Variants in SOS2 observed in about 807,000 individuals in gnomAD.
SOS2 encodes the protein son of sevenless homolog 2.
In SOS2, 65 loss-of-function variants were observed where a neutral mutation model predicts 148.2. The observed-to-expected ratio is 0.44, with a 90% CI of 0.36 to 0.54. The LOEUF is 0.54. Among genes scored for constraint, SOS2 ranks in the 20% least tolerant of loss-of-function variants. The pLI, the probability that SOS2 is intolerant of heterozygous loss-of-function variation, is 0.00. For synonymous variants in SOS2, 539 were observed against 537.1 expected (o/e 1.00, Z -0.05); for missense variants, 1,341 against 1,590.2 (o/e 0.84, Z 2.67).
intron 11 of SOS2, among the ~76,000 whole-genome samples, chr14:50,157,467 CTAA>C (rs780948364): frequency 5.3e-5 from 8 of 151,912 alleles, no homozygotes; most frequent in Non-Finnish European, 1.5e-5. Flanking sequence ...TGAAAGTAGG[CTAA>C]TAAATTTATT....
chr14:50,197,390 T>A (rs548247402), intron 4 of SOS2, among the ~76,000 whole-genome samples: 2 of 152,290 alleles, frequency 1.3e-5, no homozygotes, highest in East Asian at 3.9e-4. Context: ...TGAGACACAA[T>A]GAAATCATGT....
At chr14:50,180,811 C>A in intron 6 of SOS2, 129 bp from the exon 7 acceptor site, 3 of 522,176 alleles carry the variant, frequency 5.7e-6, no homozygotes, top group Non-Finnish European at 1.0e-5. Flanking sequence ...CCACTATATT[C>A]CAGCTCGAGC....
At chr14:50,156,949 G>A (rs1452111237) in intron 12 of SOS2, 50 bp downstream of exon 12, 4 of 937,642 alleles carry the variant, frequency 4.3e-6, no homozygotes, top group Non-Finnish European at 6.5e-6. Flanking sequence ...GTGTGTGTGT[G>A]TGTATATATA....
At chr14:50,146,532 G>C (rs1450019178) in intron 14 of SOS2, among the ~76,000 whole-genome samples, 1 of 152,126 alleles carries the variant, frequency 6.6e-6, no homozygotes, top group Non-Finnish European at 1.5e-5. Context: ...TGTAGTCCCA[G>C]CTACTTGGGA....
intron 4 of SOS2, 87 bp from the exon 5 acceptor site, chr14:50,188,787 T>A: frequency 1.1e-6 from 1 of 896,010 alleles, no homozygotes; most frequent in Non-Finnish European, 1.7e-6. Flanking sequence ...TATACGTTAT[T>A]AAACAGGGCT....
chr14:50,209,094 C>T (rs1465459870), intron 1 of SOS2, among the ~76,000 whole-genome samples: 3 of 152,142 alleles, frequency 2.0e-5, no homozygotes, highest in Non-Finnish European at 4.4e-5. Context: ...GCTGGGACAC[C>T]GGTCTTCTGC....
chr14:50,199,484 G>A (rs549523222), intron 4 of SOS2, among the ~76,000 whole-genome samples: 142 of 152,082 alleles, frequency 9.3e-4, no homozygotes, highest in Non-Finnish European at 1.5e-3. Flanking sequence ...GTAAGTAAAA[G>A]ATTCTTGACC....
At chr14:50,189,101 A>ACACACACACG (rs1211549227) in intron 4 of SOS2, among the ~76,000 whole-genome samples, 1 of 144,870 alleles carries the variant, frequency 6.9e-6, no homozygotes, top group Admixed American at 6.9e-5. Flanking sequence ...ACACACACAC[A>ACACACACACG]CGCACACACA....
intron 8 of SOS2, among the ~76,000 whole-genome samples, chr14:50,162,241 T>A (rs933747309): frequency 1.3e-5 from 2 of 152,110 alleles, no homozygotes; most frequent in African/African-American, 2.4e-5. Flanking sequence ...AGCCTCGATC[T>A]CCTGGGCATA....
chr14:50,180,196 G>T (rs1172951613), intron 7 of SOS2, among the ~76,000 whole-genome samples: 1 of 150,716 alleles, frequency 6.6e-6, no homozygotes, highest in Non-Finnish European at 1.5e-5. Context: ...TCGAGACAGG[G>T]TTTCACCATG....
rs775139330 is a variant in SOS2 at position 50,150,123 on chromosome 14, G to A, written c.2269C>T (p.Pro757Ser). Residue 757 changes from proline to serine, a missense_variant, in exon 14 of 23, where the codon CCA becomes TCA. Physicochemically the swap from Pro to Ser is moderately conservative, Grantham distance 74. This residue lies in a region of SOS2 where 408 missense variants were observed against 506.6 expected (regional missense o/e 0.81). Transcript: ENST00000216373. ...SHNITFESPP[P>S]PIEWHISKPG... ...TTGCTGATATGCCATTCAATTGGTG[G>A]AGGTGGACTTTCAAAGGTAATATTA... 1.2e-6 allele frequency: 2 copies of A among 1,612,868 alleles called. No individual in the cohort carries two copies. The highest frequency in any genetic ancestry group is 2.7e-5 in the African/African-American group (2 of 74,880).
intron 16 of SOS2, 77 bp downstream of exon 16, chr14:50,145,089 AAGAC>A: frequency 1.4e-6 from 1 of 704,928 alleles, no homozygotes; most frequent in East Asian, 3.0e-5. Flanking sequence ...TTTAATTAAA[AAGAC>A]AGATGATAGA....
chr14:50,187,165 C>T (rs1218090752), intron 5 of SOS2, among the ~76,000 whole-genome samples: 2 of 152,012 alleles, frequency 1.3e-5, no homozygotes, highest in East Asian at 3.9e-4. Flanking sequence ...CATGTGCCAT[C>T]ATGCCCAGCT....
intron 19 of SOS2, among the ~76,000 whole-genome samples, chr14:50,132,354 TAAAAAAA>T (rs886376742): frequency 1.6e-5 from 1 of 62,980 alleles, no homozygotes; most frequent in Non-Finnish European, 2.8e-5. Context: ...CTATTGCCAT[TAAAAAAA>T]AAAAAAAAAA....
chr14:50,130,503 C>A lies in SOS2; in HGVS notation c.3335G>T (p.Cys1112Phe). Residue 1112 changes from cysteine to phenylalanine, a missense_variant and splice_region_variant, in exon 20 of 23, where the codon TGT becomes TTT. Coordinates refer to ENST00000216373, the MANE Select transcript of SOS2 (RefSeq NM_006939.4). ...AGCGGTTTACATCAAATACTTACCA[C>A]AGGAGCTGTTGAGATCCACATCTAA... ...VFLDVDLNSS[C>F]GSNSIFAPVL... The A allele has an allele frequency of 6.2e-7, 1 of 1,613,142 alleles. No individual in the cohort carries two copies. The highest frequency in any genetic ancestry group is 1.3e-5 in the African/African-American group (1 of 75,002).
rs1883352295 is a variant in SOS2, at chr14:50,118,158, T to C, written c.*186A>G. 3 of 590,916 alleles carry C rather than the reference T, an allele frequency of 5.1e-6. No individual in the cohort carries two copies. The East Asian group carries it at 8.6e-5, about 17-fold the overall frequency. The allele number at this position is 590,916 out of a possible 1,614,324, so 36.6% of individuals were successfully genotyped here. On this transcript the variant is annotated 3_prime_UTR_variant, in exon 23 of 23. Transcript: ENST00000216373. ...AGACAAGGCAATGCTACTGATCACC[T>C]GAGGATAATGGTGAAGGACTTTTGT...
intron 1 of SOS2, among the ~76,000 whole-genome samples, chr14:50,205,753 G>C (rs1886638659): frequency 6.6e-6 from 1 of 152,070 alleles, no homozygotes; most frequent in Admixed American, 6.6e-5. Context: ...CCAACATGGT[G>C]AAACTAAAAA....
chr14:50,231,330 G>A lies in SOS2; in HGVS notation c.-47C>T. 1 of 1,087,050 alleles carries A rather than the reference G, an allele frequency of 9.2e-7. No individual in the cohort carries two copies. The highest frequency in any genetic ancestry group is 1.6e-5 in the African/African-American group (1 of 61,612). The allele number at this position is 1,087,050 out of a possible 1,614,324, so 67.3% of individuals were successfully genotyped here. On this transcript the variant is annotated 5_prime_UTR_variant, in exon 1 of 23. Transcript: ENST00000216373. ...GCATCGGGGGCAGCCCGCGGGCCGG[G>A]CCGGTGGCCTGACAGGCAGGGCGCG...
chr14:50,202,256 A>C (rs555262972), intron 2 of SOS2, among the ~76,000 whole-genome samples: 2 of 152,278 alleles, frequency 1.3e-5, no homozygotes, highest in Admixed American at 6.5e-5. Flanking sequence ...GAGCCACTGC[A>C]CCTAGGCAGT....
Sources: allele counts gnomAD v4.1 joint callset (sites outside exome capture counted in the v4.1 genomes callset), GRCh38; gene constraint gnomAD v4.1.1; regional missense constraint gnomAD v4.1.1; transcripts MANE v1.5; gene names NCBI Gene and HGNC (gene_info 2026-07-23, HGNC 2026-07-21).